Variants in GLIS1 observed in about 807,000 individuals in gnomAD.
GLIS1 encodes the protein GLIS family zinc finger 1.
GLIS1 carries 24 observed loss-of-function variants against 63.8 expected under a neutral mutation model. That is an observed-to-expected ratio of 0.38 (90% confidence interval 0.27 to 0.53). The LOEUF (loss-of-function observed/expected upper bound fraction) is 0.53, where lower values mean the gene tolerates loss of function less well. Ranked by LOEUF, GLIS1 falls within the 20% of genes least tolerant of loss-of-function variation. GLIS1 has a pLI of 0.85. For synonymous variants in GLIS1, 450 were observed against 482.5 expected (o/e 0.93, Z 0.88); for missense variants, 1,036 against 1,074.1 (o/e 0.96, Z 0.50).
chr1:53,707,008 C>A (rs574883554), intron 2 of GLIS1, among the ~76,000 whole-genome samples: 81 of 152,318 alleles, frequency 5.3e-4, no homozygotes, highest in African/African-American at 1.7e-3. Flanking sequence ...TGCAGAAAGA[C>A]TCCTAGAGCC....
chr1:53,705,975 T>G (rs1175381123), intron 2 of GLIS1, among the ~76,000 whole-genome samples: 1 of 152,144 alleles, frequency 6.6e-6, no homozygotes, highest in Non-Finnish European at 1.5e-5. Flanking sequence ...CGAAGCAGCC[T>G]CGGGAAAGGC....
At chr1:53,556,792 T>A (rs1644838666) in intron 4 of GLIS1, among the ~76,000 whole-genome samples, 1 of 149,170 alleles carries the variant, frequency 6.7e-6, no homozygotes, top group East Asian at 2.0e-4. Context: ...GGTATGTGTG[T>A]ATGTGTGCAG....
rs948640981 is a variant in GLIS1 at position 53,605,888 on chromosome 1, G to C, written c.260-5610C>G. On this transcript the variant is annotated intron_variant, in intron 2 of 10. Coordinates refer to ENST00000628545, the MANE Select transcript of GLIS1 (RefSeq NM_001367484.1). The stretch of plus-strand genomic sequence containing the variant: ...CTTAGAAATGCTGGGAGGGTAGGTG[G>C]CTGGGAGGCCTGTCTCAAGTTTACT... Among the ~76,000 whole-genome samples the C allele has an allele frequency of 2.6e-5, 4 of 152,210 alleles. No individual in the cohort carries two copies. The East Asian group carries it at 5.8e-4, about 22-fold the overall frequency.
intron 2 of GLIS1, chr1:53,733,989 T>C (rs1646888943): frequency 2.0e-6 from 2 of 985,060 alleles, no homozygotes; most frequent in Non-Finnish European, 2.4e-6. Context: ...TTCAACCAGG[T>C]GGTACCACCA....
chr1:53,718,303 C>T (rs978016805), intron 2 of GLIS1, among the ~76,000 whole-genome samples: 10 of 152,146 alleles, frequency 6.6e-5, no homozygotes, highest in Non-Finnish European at 1.5e-4. Context: ...GGTGTGAATG[C>T]ACCCCTCTAA....
chr1:53,590,438 AAGGTAG>A (rs1242873025), intron 4 of GLIS1, among the ~76,000 whole-genome samples: 1 of 152,114 alleles, frequency 6.6e-6, no homozygotes, highest in Non-Finnish European at 1.5e-5. Context: ...TATAAAACCC[AAGGTAG>A]AGAAGGGCAT....
intron 5 of GLIS1, among the ~76,000 whole-genome samples, chr1:53,529,566 C>T (rs779917572): frequency 7.9e-5 from 12 of 152,126 alleles, no homozygotes; most frequent in Non-Finnish European, 1.5e-4. Context: ...TTGGTTGTTG[C>T]GACTGGGAGT....
intron 2 of GLIS1, among the ~76,000 whole-genome samples, chr1:53,613,113 T>G (rs1286337145): frequency 4.6e-5 from 7 of 152,304 alleles, no homozygotes; most frequent in Non-Finnish European, 1.0e-4. Context: ...GCCCAGCCAG[T>G]TCTTTGATGC....
intron 4 of GLIS1, among the ~76,000 whole-genome samples, chr1:53,588,844 C>G (rs989345550): frequency 2.0e-5 from 3 of 152,214 alleles, no homozygotes; most frequent in Admixed American, 2.0e-4. Context: ...ACAGAGCAAG[C>G]CATTTTGCCT....
At position 53,738,099 on chromosome 1, in the gene GLIS1, C is replaced by G. The variant is rs1274904480; in HGVS notation, c.-35G>C. The G allele has an allele frequency of 4.1e-6, 5 of 1,228,228 alleles. No individual in the cohort carries two copies. In the African/African-American group the frequency reaches 7.8e-5, roughly 19 times the overall value. 76.1% of individuals were successfully genotyped at this position (1,228,228 alleles called of 1,614,324 possible). On this transcript the variant is annotated 5_prime_UTR_variant, in exon 2 of 11. Coordinates refer to ENST00000628545, the MANE Select transcript of GLIS1 (RefSeq NM_001367484.1). Reference sequence around the variant, plus strand: ...GCGGGGCGCACGGCTGGGGGTCGCGCCGGGCTCCTGGGGAGGGGAGACAGC... The same window carrying G: ...GCGGGGCGCACGGCTGGGGGTCGCGGCGGGCTCCTGGGGAGGGGAGACAGC...
intron 7 of GLIS1, among the ~76,000 whole-genome samples, chr1:53,515,797 T>A (rs969711309): frequency 6.8e-6 from 1 of 146,686 alleles, no homozygotes; most frequent in African/African-American, 2.6e-5. Context: ...TGTAAGTTTT[T>A]GATGTTCCCT....
At chr1:53,701,998 GAAAAAAAAA>G (rs919008620) in intron 2 of GLIS1, among the ~76,000 whole-genome samples, 885 of 56,306 alleles carry the variant, frequency 0.016, 7 homozygotes, top group Middle Eastern at 0.027. Context: ...ACCTAAAAAA[GAAAAAAAAA>G]AAAAAAAAAA....
intron 8 of GLIS1, among the ~76,000 whole-genome samples, chr1:53,512,700 G>A (rs1271662773): frequency 6.6e-6 from 1 of 152,184 alleles, no homozygotes; most frequent in Non-Finnish European, 1.5e-5. Flanking sequence ...GCAGGCGGGG[G>A]TCCCGTCTTG....
chr1:53,703,026 T>A (rs1410696866), intron 2 of GLIS1, among the ~76,000 whole-genome samples: 14 of 152,210 alleles, frequency 9.2e-5, no homozygotes. Flanking sequence ...GGCTCCCCAA[T>A]CTCTGCTCTG....
intron 2 of GLIS1, among the ~76,000 whole-genome samples, chr1:53,670,001 C>T (rs1435766335): frequency 2.0e-5 from 3 of 152,218 alleles, no homozygotes; most frequent in Non-Finnish European, 4.4e-5. Context: ...GGACAGACTC[C>T]GTGACAACAC....
At chr1:53,672,695 C>T (rs949506118) in intron 2 of GLIS1, among the ~76,000 whole-genome samples, 14 of 152,212 alleles carry the variant, frequency 9.2e-5, no homozygotes, top group Non-Finnish European at 1.9e-4. Context: ...GTGAAGTCTG[C>T]CTGCAGCCTC....
intron 4 of GLIS1, among the ~76,000 whole-genome samples, chr1:53,552,536 T>C (rs1417556665): frequency 6.6e-6 from 1 of 152,212 alleles, no homozygotes; most frequent in Non-Finnish European, 1.5e-5. Flanking sequence ...ACAGATGCAT[T>C]TGGGGACCCT....
intron 4 of GLIS1, among the ~76,000 whole-genome samples, chr1:53,567,366 T>C (rs1418418745): frequency 2.0e-5 from 3 of 152,226 alleles, no homozygotes; most frequent in East Asian, 1.9e-4. Context: ...TATAGTCATA[T>C]GTATTTACAA....
chr1:53,517,874 G>A (rs904608976), intron 7 of GLIS1, among the ~76,000 whole-genome samples: 3 of 152,230 alleles, frequency 2.0e-5, no homozygotes, highest in South Asian at 2.1e-4. Context: ...GTGGGTGACC[G>A]AGTGTGTGAA....
Sources: gnomAD v4.1 joint callset for allele counts (sites outside exome capture counted in the v4.1 genomes callset) on GRCh38, gnomAD v4.1.1 for gene constraint, MANE v1.5 for transcripts, NCBI Gene and HGNC (gene_info 2026-07-23, HGNC 2026-07-21) for gene names.